ANKS1B: variants seen among roughly 807,000 people sequenced by gnomAD.
The protein encoded by ANKS1B is ankyrin repeat and sterile alpha motif domain-containing protein 1B.
A neutral mutation model predicts 148.3 loss-of-function variants in ANKS1B; 36 were observed. The ratio of observed to expected loss-of-function variants is 0.24; its 90% CI spans 0.19 to 0.32. ANKS1B has a LOEUF of 0.32. ANKS1B is among the 10% of genes least tolerant of loss of function. The pLI, the probability that ANKS1B is intolerant of heterozygous loss-of-function variation, is 1.00. For synonymous variants in ANKS1B, 542 were observed against 560.8 expected (o/e 0.97, Z 0.47); for missense variants, 1,157 against 1,542.6 (o/e 0.75, Z 4.19).
chr12:99,588,287 T>C (rs757539888), intron 9 of ANKS1B, among the ~76,000 whole-genome samples: 41 of 152,214 alleles, frequency 2.7e-4, no homozygotes, highest in Non-Finnish European at 5.1e-4. Flanking sequence ...AAGATTCATC[T>C]GCATTCTACA....
intron 14 of ANKS1B, among the ~76,000 whole-genome samples, chr12:99,238,907 G>C (rs2088621050): frequency 6.6e-6 from 1 of 152,112 alleles, no homozygotes; most frequent in Non-Finnish European, 1.5e-5. Context: ...AACCCCATCT[G>C]TATAGGTCAC....
intron 9 of ANKS1B, among the ~76,000 whole-genome samples, chr12:99,643,413 A>T (rs1250168976): frequency 6.6e-6 from 1 of 152,162 alleles, no homozygotes; most frequent in Non-Finnish European, 1.5e-5. Flanking sequence ...AAGAGAGAGA[A>T]ATGAAAAATA....
intron 17 of ANKS1B, among the ~76,000 whole-genome samples, chr12:99,024,827 A>G (rs1020945054): frequency 4.6e-5 from 7 of 152,180 alleles, no homozygotes; most frequent in African/African-American, 1.7e-4. Flanking sequence ...AGGGAAAAAT[A>G]TGCTTGTGTC....
chr12:99,572,037 G>A (rs760878154), intron 9 of ANKS1B, among the ~76,000 whole-genome samples: 7 of 152,028 alleles, frequency 4.6e-5, no homozygotes, highest in Non-Finnish European at 1.0e-4. Context: ...AAAATAAAAT[G>A]GGATGAGATG....
At chr12:99,571,477 T>A (rs1442905687) in intron 9 of ANKS1B, among the ~76,000 whole-genome samples, 1 of 150,730 alleles carries the variant, frequency 6.6e-6, no homozygotes, top group African/African-American at 2.4e-5. Context: ...CTGTGTAGAG[T>A]GGTACTATTT....
rs78840210 is a variant in ANKS1B at position 98,744,715 on chromosome 12, A to C, written c.*1024T>G. The C allele has an allele frequency of 4.3e-3, 4,234 of 980,052 alleles. 28 individuals are homozygous for C. In the East Asian group the frequency reaches 0.052, roughly 12 times the overall value. The allele number at this position is 980,052 out of a possible 1,614,324, so 60.7% of individuals were successfully genotyped here. On this transcript the variant is annotated 3_prime_UTR_variant, in exon 27 of 27. Coordinates refer to ENST00000683438, the MANE Select transcript of ANKS1B (RefSeq NM_001352186.2). ...TTGTATTTATTTTTTCTAGAAAAAG[A>C]AATTTTTGCAATAGAATTTTATTAA...
chr12:98,905,073 A>G (rs2099777080), intron 17 of ANKS1B, among the ~76,000 whole-genome samples: 1 of 152,206 alleles, frequency 6.6e-6, no homozygotes. Flanking sequence ...CTGGATTAAC[A>G]ACAACCCAGA....
intron 1 of ANKS1B, among the ~76,000 whole-genome samples, chr12:99,891,610 G>C (rs969782376): frequency 6.6e-6 from 1 of 152,092 alleles, no homozygotes; most frequent in African/African-American, 2.4e-5. Context: ...ATCTTCTTCA[G>C]TGAAATGTCT....
At chr12:98,743,559 C>A (rs2097822468), downstream of ANKS1B, among the ~76,000 whole-genome samples, 1 of 152,154 alleles carries the variant, frequency 6.6e-6, no homozygotes, top group South Asian at 2.1e-4. Flanking sequence ...GCAGGCCTAG[C>A]CCTTCCTTTT....
chr12:99,151,216 A>G (rs1310251173), intron 15 of ANKS1B, among the ~76,000 whole-genome samples: 1 of 152,176 alleles, frequency 6.6e-6, no homozygotes, highest in Admixed American at 6.5e-5. Context: ...AGGAGGAGCA[A>G]TAATTGACAA....
At chr12:99,934,678 A>G (rs1244468894) in intron 1 of ANKS1B, among the ~76,000 whole-genome samples, 2 of 152,114 alleles carry the variant, frequency 1.3e-5, no homozygotes, top group Non-Finnish European at 2.9e-5. Flanking sequence ...AAGGTTTCCC[A>G]ATTTTGTTTA....
At chr12:99,063,879 T>A (rs1331119458) in intron 16 of ANKS1B, among the ~76,000 whole-genome samples, 1 of 152,224 alleles carries the variant, frequency 6.6e-6, no homozygotes, top group Admixed American at 6.5e-5. Context: ...AAGGGAGGTA[T>A]ACATGTACAA....
At chr12:98,932,633 A>T (rs889286069) in intron 17 of ANKS1B, among the ~76,000 whole-genome samples, 3 of 152,302 alleles carry the variant, frequency 2.0e-5, no homozygotes, top group African/African-American at 7.2e-5. Flanking sequence ...CATCAAATGG[A>T]AGCAGTCTCA....
chr12:99,201,336 C>G (rs959977943), intron 14 of ANKS1B, among the ~76,000 whole-genome samples: 1 of 151,954 alleles, frequency 6.6e-6, no homozygotes, highest in Non-Finnish European at 1.5e-5. Context: ...AAAAAAAACC[C>G]TAGAAACTGA....
At chr12:99,479,784 C>T (rs1410933561) in intron 10 of ANKS1B, among the ~76,000 whole-genome samples, 1 of 151,754 alleles carries the variant, frequency 6.6e-6, no homozygotes, top group Non-Finnish European at 1.5e-5. Context: ...GTCTAAGTTG[C>T]AGTTAGAGGA....
intron 17 of ANKS1B, among the ~76,000 whole-genome samples, chr12:98,977,642 A>T (rs1486439881): frequency 6.6e-6 from 1 of 152,208 alleles, no homozygotes; most frequent in Non-Finnish European, 1.5e-5. Context: ...ATATCAACAC[A>T]TGGTTGTCAC....
intron 14 of ANKS1B, among the ~76,000 whole-genome samples, chr12:99,236,997 C>T (rs577322641): frequency 3.9e-5 from 6 of 152,172 alleles, no homozygotes; most frequent in Non-Finnish European, 8.8e-5. Flanking sequence ...ATAATGGGTA[C>T]TAGGCTTAAT....
chr12:98,928,964 A>G (rs1320773014), intron 17 of ANKS1B, among the ~76,000 whole-genome samples: 1 of 152,014 alleles, frequency 6.6e-6, no homozygotes, highest in East Asian at 1.9e-4. Context: ...AAAGAAATCA[A>G]TGCATCTAGC....
At chr12:98,963,470 G>A (rs962794900) in intron 17 of ANKS1B, among the ~76,000 whole-genome samples, 1 of 151,958 alleles carries the variant, frequency 6.6e-6, no homozygotes, top group Admixed American at 6.6e-5. Context: ...GAGCTACTGT[G>A]CCCGGCCAAA....
Sources: allele counts gnomAD v4.1 joint callset (sites outside exome capture counted in the v4.1 genomes callset), GRCh38; gene constraint gnomAD v4.1.1; transcripts MANE v1.5; gene names NCBI Gene and HGNC (gene_info 2026-07-23, HGNC 2026-07-21).